Variants in CADM3 observed in about 807,000 individuals in gnomAD.
CADM3 encodes the protein TSLC1-like 1.
Under a neutral mutation model 44.9 loss-of-function variants are expected in CADM3, and 11 were observed. The ratio of observed to expected loss-of-function variants is 0.25; its 90% CI spans 0.15 to 0.41. The LOEUF is 0.41. CADM3 is among the 10% of genes least tolerant of loss of function. The pLI, the probability that CADM3 is intolerant of heterozygous loss-of-function variation, is 1.00. For synonymous variants in CADM3, 207 were observed against 205.2 expected, an observed-to-expected ratio of 1.01 and a Z score of -0.08; for missense variants, 426 against 512.0, an observed-to-expected ratio of 0.83 and a Z score of 1.62.
At chr1:159,185,495 G>T (rs184215222) in intron 1 of CADM3, among the ~76,000 whole-genome samples, 1 of 152,312 alleles carries the variant, frequency 6.6e-6, no homozygotes, top group Admixed American at 6.5e-5. Context: ...TAAGTTTAAA[G>T]TCCATCCTAT....
intron 1 of CADM3, among the ~76,000 whole-genome samples, chr1:159,186,793 G>T (rs1024208742): frequency 1.3e-5 from 2 of 152,182 alleles, no homozygotes; most frequent in African/African-American, 4.8e-5. Flanking sequence ...CAAACTTAGA[G>T]GGAGAAATGT....
chr1:159,171,695 C>A lies in CADM3; in HGVS notation c.-71C>A. On this transcript the variant is annotated 5_prime_UTR_variant, in exon 1 of 9. Coordinates refer to ENST00000368125, the MANE Select transcript of CADM3 (RefSeq NM_001127173.3). ...CTTTCGGTCAACATCGTAGTCCACC[C>A]CCTCCCCATCCCCAGCCCCCGGGGA... 1 of 1,122,346 alleles carries A rather than the reference C, an allele frequency of 8.9e-7. No homozygotes were observed. Among genetic ancestry groups the A allele is most frequent in the Non-Finnish European group, 1.1e-6 (1 of 888,454 alleles). 69.5% of individuals were successfully genotyped at this position (1,122,346 alleles called of 1,614,324 possible).
chr1:159,187,989 T>C (rs988571842), intron 1 of CADM3, among the ~76,000 whole-genome samples: 5 of 151,970 alleles, frequency 3.3e-5, no homozygotes, highest in Non-Finnish European at 7.4e-5. Flanking sequence ...CCGCCTTTCC[T>C]GCCTACTTCT....
Position 159,196,950 on chromosome 1 carries a change from A to G in CADM3, c.842A>G (p.Glu281Gly), listed in dbSNP as rs760716796. 5.6e-6 allele frequency: 9 copies of G among 1,614,090 alleles called. No homozygotes were observed. The highest frequency in any genetic ancestry group is 2.2e-5 in the East Asian group (1 of 44,876). The change falls in exon 7 of 9, where the codon GAG becomes GGG. Residue 281 changes from glutamate to glycine, a missense_variant. Physicochemically the swap from Glu to Gly is moderately conservative, Grantham distance 98 (BLOSUM62 -2). Transcript: ENST00000368125. ...GTGCCACCCCTGAAGATGACCCAGG[A>G]GAGTGCCCTGATCTTCCCTTTCCTC... ...GSVPPLKMTQ[E>G]SALIFPFLNK... is the part of the protein sequence containing the mutation.
intron 1 of CADM3, among the ~76,000 whole-genome samples, chr1:159,188,571 G>T (rs186635964): frequency 5.9e-4 from 90 of 152,222 alleles, no homozygotes; most frequent in African/African-American, 2.1e-3. Context: ...GGACTCCAAA[G>T]CCCGGACACG....
intron 1 of CADM3, among the ~76,000 whole-genome samples, chr1:159,174,064 G>A (rs1453204945): frequency 6.6e-6 from 1 of 152,212 alleles, no homozygotes. Context: ...TAGAGAAGAG[G>A]TGGGGAAGTG....
At chr1:159,196,322 C>T (rs199882993) in intron 5 of CADM3, 42 bp from the exon 6 acceptor site, 56 of 1,491,274 alleles carry the variant, frequency 3.8e-5, no homozygotes, top group East Asian at 2.0e-4. Context: ...TCTCCTAAGC[C>T]GTGTGGGGAG....
At chr1:159,174,365 A>G (rs1203264020) in intron 1 of CADM3, among the ~76,000 whole-genome samples, 8 of 152,134 alleles carry the variant, frequency 5.3e-5, no homozygotes, top group Admixed American at 4.6e-4. Flanking sequence ...TGTGTTTCGT[A>G]CCCCTGAGTT....
intron 1 of CADM3, among the ~76,000 whole-genome samples, 167 bp from the exon 2 acceptor site, chr1:159,191,769 C>T (rs549039115): frequency 4.6e-5 from 7 of 152,268 alleles, no homozygotes; most frequent in African/African-American, 9.6e-5. Flanking sequence ...TTCCCTCCAC[C>T]GCCACCACCA....
chr1:159,180,426 A>T (rs1649183872), intron 1 of CADM3, among the ~76,000 whole-genome samples: 1 of 152,184 alleles, frequency 6.6e-6, no homozygotes, highest in Non-Finnish European at 1.5e-5. Context: ...TTAAGAAGAG[A>T]GATAAGAGTT....
Position 159,196,936 on chromosome 1 carries a change from G to A in CADM3, c.828G>A (p.Leu276=), listed in dbSNP as rs746330621. 1 of 1,614,026 alleles carries A rather than the reference G, an allele frequency of 6.2e-7. No individual in the cohort carries two copies. Among genetic ancestry groups the A allele is most frequent in the Admixed American group, 1.7e-5 (1 of 60,010 alleles). Residue 276 remains leucine (L), a synonymous_variant, in exon 7 of 9, where the codon CTG becomes CTA. Transcript: ENST00000368125. Reference sequence around the variant, plus strand: ...AGAAGGAGGGCAGTGTGCCACCCCTGAAGATGACCCAGGAGAGTGCCCTGA... The same window carrying A: ...AGAAGGAGGGCAGTGTGCCACCCCTAAAGATGACCCAGGAGAGTGCCCTGA... The part of the protein sequence containing the change: ...LWEKEGSVPP[L]KMTQESALIF...
At chr1:159,182,317 G>A (rs1649267660) in intron 1 of CADM3, among the ~76,000 whole-genome samples, 1 of 152,170 alleles carries the variant, frequency 6.6e-6, no homozygotes, top group Admixed American at 6.5e-5. Flanking sequence ...AAGGTCCACG[G>A]TCCTGGAGTT....
chr1:159,174,519 T>C (rs1648945966), intron 1 of CADM3, among the ~76,000 whole-genome samples: 2 of 152,366 alleles, frequency 1.3e-5, no homozygotes. Context: ...AAGGGTGTTG[T>C]GGTAGCATAC....
rs542972154 is a variant in CADM3, at chr1:159,198,846, C to T, written c.953-905C>T. Among the ~76,000 whole-genome samples the T allele has an allele frequency of 1.1e-4, 16 of 152,202 alleles. No homozygotes were observed. The South Asian group carries it at 2.5e-3, about 24-fold the overall frequency. On this transcript the variant is annotated intron_variant, in intron 7 of 8. Coordinates refer to ENST00000368125, the MANE Select transcript of CADM3 (RefSeq NM_001127173.3). ...GGTTGTCAATCCTCTACATAGGTTG[C>T]CAATCCTCTACCTAGGTTGCCATGG...
Position 159,175,373 on chromosome 1 carries a change from G to A in CADM3, c.88+3520G>A, listed in dbSNP as rs575800708. Among the ~76,000 whole-genome samples the A allele has an allele frequency of 6.6e-5, 10 of 152,284 alleles. No homozygotes were observed. In the East Asian group the frequency reaches 1.3e-3, roughly 21 times the overall value. ...TCATGTAGGTCCTAATGTATGTAAC[G>A]TCAACTGCCTACCCAGCAGTTATGC... On this transcript the variant is annotated intron_variant, in intron 1 of 8. Transcript: ENST00000368125.
In CADM3 at chr1:159,171,853, G is replaced by A. The variant is rs780213010; in HGVS notation, c.88G>A (p.Asp30Asn). 48 of 1,241,248 alleles carry A rather than the reference G, an allele frequency of 3.9e-5. No individual in the cohort carries two copies. The highest frequency in any genetic ancestry group is 4.5e-5 in the Non-Finnish European group (45 of 990,858). 76.9% of individuals were successfully genotyped at this position (1,241,248 alleles called of 1,614,324 possible). ...APGGANLSQD[D>N]SQPWTSDETV... ...CGGCGGGGCCAACCTCTCCCAGGAC[G>A]GTGAGTGAGGGAGGGGGCGGCGCCT... The change falls in exon 1 of 9, where the codon GAC (aspartate) becomes AAC (asparagine). Residue 30 changes from aspartate to asparagine, a missense_variant and splice_region_variant. Coordinates refer to ENST00000368125, the MANE Select transcript of CADM3 (RefSeq NM_001127173.3).
At chr1:159,196,779 C>T (rs1207364549) in intron 6 of CADM3, 112 bp from the exon 7 acceptor site, 10 of 1,108,894 alleles carry the variant, frequency 9.0e-6, no homozygotes, top group Non-Finnish European at 1.2e-5. Flanking sequence ...CCGATAATTT[C>T]TCCAGCCTCA....
chr1:159,198,172 T>G (rs1188402365), intron 7 of CADM3: 1 of 152,126 alleles, frequency 6.6e-6, no homozygotes, highest in African/African-American at 2.4e-5. Context: ...CGCCTGGTGG[T>G]AGAAGGAGCT....
intron 1 of CADM3, among the ~76,000 whole-genome samples, chr1:159,186,349 C>T (rs1438735158): frequency 6.6e-6 from 1 of 152,116 alleles, no homozygotes; most frequent in African/African-American, 2.4e-5. Flanking sequence ...AGAATATGAC[C>T]GATATGACTG....
Sources: gnomAD v4.1 joint callset for allele counts (sites outside exome capture counted in the v4.1 genomes callset) on GRCh38, gnomAD v4.1.1 for gene constraint, MANE v1.5 for transcripts, NCBI Gene and HGNC (gene_info 2026-07-23, HGNC 2026-07-21) for gene names.